Variants in XPO7 observed in about 807,000 individuals in gnomAD.
The protein encoded by XPO7 is exportin 7.
Under a neutral mutation model 144.3 loss-of-function variants are expected in XPO7, and 21 were observed. The observed-to-expected ratio is 0.15, with a 90% CI of 0.10 to 0.21. The LOEUF (loss-of-function observed/expected upper bound fraction) is 0.21. Ranked by LOEUF, XPO7 falls within the 10% of genes least tolerant of loss-of-function variation. The pLI is 1.00. For missense variants in XPO7, 808 were observed against 1,325.8 expected (o/e 0.61, Z 6.06); for synonymous variants, 580 against 499.6 (o/e 1.16, Z -2.15).
At position 22,005,050 on chromosome 8, in the gene XPO7, T is replaced by A; in HGVS notation, c.3226T>A (p.Ser1076Thr). 6.2e-7 allele frequency: 1 copy of A among 1,612,776 alleles called. No homozygotes were observed. Among genetic ancestry groups the A allele is most frequent in the Non-Finnish European group, 8.5e-7 (1 of 1,179,448 alleles). The change falls in exon 28 of 28, where the codon TCC becomes ACC. Residue 1076 changes from serine (S) to threonine (T), a missense_variant. Ser to Thr is a moderately conservative substitution (Grantham distance 58). Around this residue, in one of 5 missense-constraint regions of XPO7, gnomAD observed 140 missense variants for 237.9 expected, o/e 0.59. Transcript: ENST00000252512. Reference protein sequence around the residue: ...RREVNDSMKNSTYGVNSNDMM... With the variant: ...RREVNDSMKNTTYGVNSNDMM... Reference sequence around the variant, plus strand: ...AGAAGTCAACGACTCAATGAAGAATTCCACTTATGGCGTGAATAGCAATGA... The same window carrying A: ...AGAAGTCAACGACTCAATGAAGAATACCACTTATGGCGTGAATAGCAATGA...
intron 1 of XPO7, among the ~76,000 whole-genome samples, chr8:21,929,510 A>G (rs898786052): frequency 2.0e-5 from 3 of 152,260 alleles, no homozygotes; most frequent in Admixed American, 1.3e-4. Flanking sequence ...TGCAAAGAAC[A>G]AACCTTCTAA....
chr8:22,001,760 G>C (rs73223710), intron 24 of XPO7, among the ~76,000 whole-genome samples: 2 of 152,206 alleles, frequency 1.3e-5, no homozygotes, highest in East Asian at 1.9e-4. Context: ...CTGAGTTCTT[G>C]AGAGGATAAA....
chr8:22,003,023 A>G (rs762641597), intron 25 of XPO7, 196 bp from the exon 26 acceptor site: 2 of 429,860 alleles, frequency 4.7e-6, no homozygotes, highest in Non-Finnish European at 8.3e-6. Flanking sequence ...TAAGAACAAG[A>G]AAGGAAATGA....
intron 24 of XPO7, among the ~76,000 whole-genome samples, chr8:22,000,906 G>C (rs537004874): frequency 6.6e-6 from 1 of 152,270 alleles, no homozygotes; most frequent in Non-Finnish European, 1.5e-5. Context: ...AATTATCCAT[G>C]CCTCTGTGCG....
chr8:21,993,915 G>GTCTCTC lies in XPO7; in HGVS notation c.2149-428_2149-423dup, dbSNP rs146886015. On this transcript the variant is annotated intron_variant, in intron 19 of 27. Transcript: ENST00000252512. ...CTTTTTGAGTTGGTTTCTTTGCCGT[G>GTCTCTC]TCTCTCTCTCTCTCTCTCTCTCTCT... is the stretch of plus-strand genomic sequence containing the variant. Among the ~76,000 whole-genome samples, 154 of 141,122 alleles carry GTCTCTC rather than the reference G, an allele frequency of 1.1e-3. 1 individual carries two copies. Among genetic ancestry groups the GTCTCTC allele is most frequent in the African/African-American group, 3.5e-3 (128 of 36,490 alleles). 92.6% of individuals were successfully genotyped at this position (141,122 alleles called of 152,430 possible).
chr8:21,929,244 G>C (rs1367746638), intron 1 of XPO7, among the ~76,000 whole-genome samples: 1 of 152,198 alleles, frequency 6.6e-6, no homozygotes. Context: ...CTGAACCAAA[G>C]GGATTAGAAG....
intron 1 of XPO7, among the ~76,000 whole-genome samples, chr8:21,954,438 A>C (rs1270299712): frequency 6.6e-6 from 1 of 152,190 alleles, no homozygotes; most frequent in African/African-American, 2.4e-5. Flanking sequence ...GTTCGTGACC[A>C]GCCTGACCAG....
intron 1 of XPO7, among the ~76,000 whole-genome samples, chr8:21,922,468 G>C (rs1810320263): frequency 6.6e-6 from 1 of 152,118 alleles, no homozygotes; most frequent in Non-Finnish European, 1.5e-5. Flanking sequence ...CCTGAAGGCA[G>C]GGTGGTTACA....
chr8:21,946,807 T>TTA (rs146320989), intron 1 of XPO7, among the ~76,000 whole-genome samples: 3,644 of 151,708 alleles, frequency 0.024, 151 homozygotes, highest in African/African-American at 0.084. Context: ...AAGCCACAAA[T>TTA]AATAAAGACA....
At chr8:21,975,105 T>G (rs976009875) in intron 6 of XPO7, among the ~76,000 whole-genome samples, 19 of 152,262 alleles carry the variant, frequency 1.2e-4, no homozygotes, top group Admixed American at 1.0e-3. Context: ...TATAACCACA[T>G]AAAATCTTTC....
chr8:21,999,375 A>C (rs1813062427), intron 23 of XPO7, 70 bp downstream of exon 23: 3 of 1,593,738 alleles, frequency 1.9e-6, no homozygotes, highest in Admixed American at 3.4e-5. Context: ...TGAGACCAAG[A>C]TTGAACACTG....
intron 5 of XPO7, among the ~76,000 whole-genome samples, chr8:21,972,148 CA>C (rs1585454855): frequency 6.6e-6 from 1 of 151,604 alleles, no homozygotes; most frequent in East Asian, 1.9e-4. Flanking sequence ...TTTCTGTCTC[CA>C]GGTTGTTTTC....
intron 2 of XPO7, among the ~76,000 whole-genome samples, chr8:21,967,565 T>C (rs1400070233): frequency 1.3e-5 from 2 of 152,088 alleles, no homozygotes; most frequent in Non-Finnish European, 2.9e-5. Context: ...TCTCCTGACC[T>C]CAGGTGATCC....
At chr8:21,985,491 C>A in intron 12 of XPO7, 95 bp from the exon 13 acceptor site, 1 of 1,159,880 alleles carries the variant, frequency 8.6e-7, no homozygotes, top group Non-Finnish European at 1.3e-6. Context: ...TTCATGGTTT[C>A]ACCACAGTGT....
Position 21,991,018 on chromosome 8 carries a change from T to C in XPO7, c.2041+99T>C, listed in dbSNP as rs191849731. On this transcript the variant is annotated intron_variant, in intron 18 of 27. Transcript: ENST00000252512. ...TAGATGTTGGGGAGGCCTTTTCTGT[T>C]TTTTCAACAGTAACAAAACTATCTG... The C allele has an allele frequency of 3.2e-4, 341 of 1,068,926 alleles. 3 individuals are homozygous for C. The highest frequency in any genetic ancestry group is 3.2e-3 in the Middle Eastern group (15 of 4,722). The allele number at this position is 1,068,926 out of a possible 1,614,324, so 66.2% of individuals were successfully genotyped here. A position where few individuals can be genotyped will look rare whatever the true frequency, so the allele number is the denominator to read the frequency against.
At chr8:21,970,025 G>C (rs1267361125) in intron 3 of XPO7, 119 bp from the exon 4 acceptor site, 1 of 1,142,776 alleles carries the variant, frequency 8.8e-7, no homozygotes, top group Non-Finnish European at 1.2e-6. Flanking sequence ...AGACAGTTTG[G>C]GTTAAATAGT....
chr8:21,934,263 G>T (rs1158060994), intron 1 of XPO7, among the ~76,000 whole-genome samples: 1 of 152,110 alleles, frequency 6.6e-6, no homozygotes, highest in African/African-American at 2.4e-5. Flanking sequence ...TTTGGGTGCG[G>T]TGGCTCATGC....
chr8:21,929,321 C>T (rs1032377136), intron 1 of XPO7, among the ~76,000 whole-genome samples: 2 of 152,100 alleles, frequency 1.3e-5, no homozygotes, highest in African/African-American at 4.8e-5. Context: ...GATCCTCGTC[C>T]TCTCAGATGT....
At chr8:21,953,941 G>T (rs1209317316) in intron 1 of XPO7, among the ~76,000 whole-genome samples, 1 of 151,968 alleles carries the variant, frequency 6.6e-6, no homozygotes, top group Non-Finnish European at 1.5e-5. Context: ...TCTCCCATTT[G>T]GTAACTAGTC....
Sources: gnomAD v4.1 joint callset for allele counts (sites outside exome capture counted in the v4.1 genomes callset) on GRCh38, gnomAD v4.1.1 for gene constraint, gnomAD v4.1.1 regional missense constraint, MANE v1.5 for transcripts, NCBI Gene and HGNC (gene_info 2026-07-23, HGNC 2026-07-21) for gene names.